Variants in A2M observed in about 807,000 individuals in gnomAD.
The protein encoded by A2M is C3 and PZP-like alpha-2-macroglobulin domain-containing protein 5.
A2M carries 128 observed loss-of-function variants against 183.9 expected under a neutral mutation model. The ratio of observed to expected loss-of-function variants is 0.70; its 90% confidence interval spans 0.60 to 0.81. The LOEUF (loss-of-function observed/expected upper bound fraction) is 0.81, where lower values mean the gene tolerates loss of function less well. Among genes scored for constraint, A2M ranks in the 30% least tolerant of loss-of-function variants. A2M has a pLI of 0.00. For missense variants in A2M, 1,495 were observed against 1,787.6 expected (o/e 0.84, Z 2.95); for synonymous variants, 592 against 670.8 (o/e 0.88, Z 1.81).
intron 10 of A2M, among the ~76,000 whole-genome samples, chr12:9,105,732 T>G (rs1938236219): frequency 6.6e-6 from 1 of 152,210 alleles, no homozygotes. Context: ...GAAATATACT[T>G]GTTATAGAAA....
intron 11 of A2M, among the ~76,000 whole-genome samples, chr12:9,103,236 A>G (rs1053691453): frequency 2.6e-5 from 4 of 152,194 alleles, no homozygotes; most frequent in African/African-American, 4.8e-5. Context: ...AACATGTATG[A>G]TTTCACTTAA....
intron 22 of A2M, among the ~76,000 whole-genome samples, chr12:9,083,947 T>C (rs1948982357): frequency 6.6e-6 from 1 of 151,532 alleles, no homozygotes; most frequent in Non-Finnish European, 1.5e-5. Flanking sequence ...AAGAAACATA[T>C]CACATACAAA....
chr12:9,107,683 C>T (rs771205852), intron 7 of A2M, 39 bp from the exon 8 acceptor site: 1 of 1,607,958 alleles, frequency 6.2e-7, no homozygotes, highest in East Asian at 2.2e-5. Context: ...AGAGCAGACA[C>T]TGAACCTCCC....
In A2M at chr12:9,113,440, A is replaced by G. The variant is rs1565606474; in HGVS notation, c.190T>C (p.Leu64=). ...LNETVTVSAS[L]ESVRGNRSLF... The stretch of plus-strand genomic sequence containing the variant: ...CTCCTGTTTCCCCTGACAGACTCCA[A>G]GGAAGCACTTACAGTCACTGTCTCA... Residue 64 remains leucine (L), a synonymous_variant, in exon 2 of 36, where the codon TTG becomes CTG. Transcript: ENST00000318602. 1 of 1,613,908 alleles carries G rather than the reference A, an allele frequency of 6.2e-7. No individual in the cohort carries two copies. Among genetic ancestry groups the G allele is most frequent in the East Asian group, 2.2e-5 (1 of 44,872 alleles).
rs1374996761 is a variant in A2M at position 9,067,801 on chromosome 12, G to A, written c.*22C>T. ...GCTCTGAGAACAGGACTCCAGCAAA[G>A]CACTTTTCAGCCTTGTGGTCTTCAA... On this transcript the variant is annotated 3_prime_UTR_variant, in exon 36 of 36. Transcript: ENST00000318602. 1 of 1,611,942 alleles carries A rather than the reference G, an allele frequency of 6.2e-7. No homozygotes were observed. Among genetic ancestry groups the A allele is most frequent in the Non-Finnish European group, 8.5e-7 (1 of 1,178,838 alleles).
intron 29 of A2M, among the ~76,000 whole-genome samples, chr12:9,073,247 A>C (rs979720421): frequency 1.1e-4 from 17 of 152,334 alleles, no homozygotes; most frequent in Non-Finnish European, 7.3e-5. Flanking sequence ...AGCAAAGTTC[A>C]GTCTGGCTCT....
At chr12:9,107,425 C>G in intron 8 of A2M, 99 bp downstream of exon 8, 5 of 1,414,114 alleles carry the variant, frequency 3.5e-6, no homozygotes, top group Non-Finnish European at 4.8e-6. Flanking sequence ...GAATTCTCTT[C>G]TAGATTGTTC....
At chr12:9,081,532 TG>T (rs990501338) in intron 22 of A2M, among the ~76,000 whole-genome samples, 1 of 152,204 alleles carries the variant, frequency 6.6e-6, no homozygotes, top group Non-Finnish European at 1.5e-5. Context: ...AAATCTATTT[TG>T]AAAACCCCAA....
intron 31 of A2M, 143 bp downstream of exon 31, chr12:9,072,216 A>G: frequency 2.2e-5 from 21 of 969,546 alleles, no homozygotes; most frequent in Non-Finnish European, 2.9e-5. Flanking sequence ...TCATTGAGAA[A>G]TTATATCAAC....
intron 11 of A2M, among the ~76,000 whole-genome samples, chr12:9,102,082 A>G (rs1937900790): frequency 6.6e-6 from 1 of 152,172 alleles, no homozygotes; most frequent in South Asian, 2.1e-4. Flanking sequence ...GTGGATTTTG[A>G]ATGGGTATTA....
Position 9,077,859 on chromosome 12 carries a change from T to A in A2M, c.3120-2A>T, listed in dbSNP as rs112346232. The A allele has an allele frequency of 6.2e-7, 1 of 1,614,138 alleles. No individual in the cohort carries two copies. The highest frequency in any genetic ancestry group is 8.5e-7 in the Non-Finnish European group (1 of 1,179,980). ...GTCTTCAGAACAAAGGCTGTGAGCC[T>A]GACCAGGGAGGAAGCAATCATGATG... On this transcript the variant is annotated splice_acceptor_variant, in intron 25 of 35. Coordinates refer to ENST00000318602, the MANE Select transcript of A2M (RefSeq NM_000014.6). LOFTEE classifies it high-confidence loss of function.
chr12:9,109,245 G>A, intron 7 of A2M, 76 bp downstream of exon 7: 2 of 1,185,288 alleles, frequency 1.7e-6, no homozygotes, highest in South Asian at 2.6e-5. Context: ...CTCCCGGAGA[G>A]AGTAGTTAAA....
chr12:9,093,502 A>G lies in A2M; in HGVS notation c.2203T>C (p.Phe735Leu), dbSNP rs765886679. 2.5e-6 allele frequency: 4 copies of G among 1,613,964 alleles called. No individual in the cohort carries two copies. The highest frequency in any genetic ancestry group is 3.4e-6 in the Non-Finnish European group (4 of 1,179,864). The change falls in exon 18 of 36, where the codon TTC becomes CTC. Residue 735 changes from phenylalanine (F) to leucine (L), a missense_variant. By Grantham distance (22) the Phe-to-Leu change is conservative. Coordinates refer to ENST00000318602, the MANE Select transcript of A2M (RefSeq NM_000014.6). ...EPHTETVRKY[F>L]PETWIWDLVV... ...AAATCCCAGATCCATGTCTCAGGGA[A>G]GTACTTTCGTACGGTCTCCGTGTGA...
intron 10 of A2M, among the ~76,000 whole-genome samples, 164 bp from the exon 11 acceptor site, chr12:9,104,564 C>G (rs188664245): frequency 1.2e-4 from 18 of 152,100 alleles, no homozygotes; most frequent in South Asian, 8.3e-4. Context: ...ACAGAGCTTA[C>G]TGTCTAGTGA....
chr12:9,072,784 A>G lies in A2M; in HGVS notation c.3844T>C (p.Ser1282Pro). The change falls in exon 30 of 36, where the codon TCT becomes CCT. Residue 1282 changes from serine to proline, a missense_variant. Transcript: ENST00000318602. ...TGKAAQVTIQ[S>P]SGTFSSKFQV... ...AATTTGCTGGAAAATGTCCCTGAAG[A>G]CTGGATAGTCACCTGTGCAGCCTTC... 2 of 1,614,148 alleles carry G rather than the reference A, an allele frequency of 1.2e-6. No homozygotes were observed. Among genetic ancestry groups the G allele is most frequent in the African/African-American group, 1.3e-5 (1 of 75,020 alleles).
Position 9,072,769 on chromosome 12 carries a change from A to G in A2M, c.3859T>C (p.Ser1287Pro). The change falls in exon 30 of 36, where the codon TCC becomes CCC. Residue 1287 changes from serine to proline, a missense_variant. Transcript: ENST00000318602. ...TTGTTGTCCACTTGGAATTTGCTGG[A>G]AAATGTCCCTGAAGACTGGATAGTC... ...QVTIQSSGTFSSKFQVDNNNR... is the reference protein window; with the variant it reads ...QVTIQSSGTFPSKFQVDNNNR... 6.2e-7 allele frequency: 1 copy of G among 1,614,208 alleles called. No homozygotes were observed. The highest frequency in any genetic ancestry group is 8.5e-7 in the Non-Finnish European group (1 of 1,180,032).
intron 27 of A2M, 42 bp from the exon 28 acceptor site, chr12:9,076,978 G>T: frequency 6.7e-7 from 1 of 1,499,826 alleles, no homozygotes. Context: ...TATGTAAACA[G>T]GCATATTAGC....
intron 13 of A2M, among the ~76,000 whole-genome samples, chr12:9,100,756 A>G (rs1937770320): frequency 6.6e-6 from 1 of 152,244 alleles, no homozygotes; most frequent in Admixed American, 6.5e-5. Flanking sequence ...CCAGCTCAGG[A>G]ATGGAAAACC....
intron 29 of A2M, 31 bp from the exon 30 acceptor site, chr12:9,072,902 T>C (rs370082115): frequency 1.2e-5 from 19 of 1,583,896 alleles, no homozygotes; most frequent in African/African-American, 5.4e-5. Flanking sequence ...AGAGAACCCA[T>C]TGGGCATTAT....
Sources: gnomAD v4.1 joint callset for allele counts (sites outside exome capture counted in the v4.1 genomes callset) on GRCh38, gnomAD v4.1.1 for gene constraint, MANE v1.5 for transcripts, NCBI Gene and HGNC (gene_info 2026-07-23, HGNC 2026-07-21) for gene names.